The following RAET1E variants were observed in gnomAD, a reference collection of about 807,000 sequenced individuals.
RAET1E encodes the protein retinoic acid early transcript 1E.
RAET1E carries 27 observed loss-of-function variants against 21.1 expected under a neutral mutation model. The ratio of observed to expected loss-of-function variants is 1.28; its 90% confidence interval spans 0.94 to 1.76. RAET1E has a LOEUF of 1.76. RAET1E is among the 40% of genes most tolerant of loss of function. The pLI is 0.00. For missense variants in RAET1E, 310 were observed against 311.3 expected (o/e 1.00, Z 0.03); for synonymous variants, 113 against 115.0 (o/e 0.98, Z 0.11).
In RAET1E at chr6:149,889,866, C is replaced by T. The variant is rs1287876872; in HGVS notation, c.346+19G>A. The T allele has an allele frequency of 1.1e-5, 18 of 1,607,984 alleles. 1 individual carries two copies. In the East Asian group the frequency reaches 3.1e-4, roughly 28 times the overall value. ...CTCTTACTGCCTGCCTCTGTTTGCCCACCCCATTCCACACTTACCACTGGT... is the reference window on the plus strand; with the variant it reads ...CTCTTACTGCCTGCCTCTGTTTGCCTACCCCATTCCACACTTACCACTGGT... On this transcript the variant is annotated intron_variant, in intron 4 of 5. Coordinates refer to ENST00000357183, the MANE Select transcript of RAET1E (RefSeq NM_001394057.1).
chr6:149,889,734 A>G (rs72997552), intron 4 of RAET1E, 111 bp from the exon 5 acceptor site: 1 of 1,503,830 alleles, frequency 6.6e-7, no homozygotes, highest in Non-Finnish European at 9.1e-7. Flanking sequence ...TTCTGCCCAG[A>G]CTTGCCCTTT....
At position 149,886,301 on chromosome 6, in the gene RAET1E, A is replaced by G. The variant is rs1777605257; in HGVS notation, c.*2197T>C. The stretch of plus-strand genomic sequence containing the variant: ...TATCCAAACATTTGAGGATTTTTCC[A>G]GATAGCTTCCTGCTGTTGATTTCTA... On this transcript the variant is annotated 3_prime_UTR_variant, in exon 6 of 6. Transcript: ENST00000357183. Among the ~76,000 whole-genome samples the G allele has an allele frequency of 6.6e-6, 1 of 152,254 alleles. No individual in the cohort carries two copies. The highest frequency in any genetic ancestry group is 1.5e-5 in the Non-Finnish European group (1 of 68,044).
chr6:149,892,428 T>C (rs1283720202), intron 2 of RAET1E, among the ~76,000 whole-genome samples: 2 of 152,248 alleles, frequency 1.3e-5, no homozygotes, highest in Non-Finnish European at 1.5e-5. Context: ...TATCTCATTG[T>C]GGTTTTGATT....
In RAET1E at chr6:149,884,503, G is replaced by A. The variant is rs577013744; in HGVS notation, c.*3995C>T. ...GGTATCACCTCTAGGTGGATCTTCT[G>A]CCTTTAGGAAGGAGACAAAAGAGTG... On this transcript the variant is annotated 3_prime_UTR_variant, in exon 6 of 6. Transcript: ENST00000357183. 3.6e-5 allele frequency: 55 copies of A among 1,535,944 alleles called. No homozygotes were observed. The highest frequency in any genetic ancestry group is 1.4e-4 in the Admixed American group (7 of 50,990).
chr6:149,889,745 C>G, intron 4 of RAET1E, 122 bp from the exon 5 acceptor site: 1 of 1,489,190 alleles, frequency 6.7e-7, no homozygotes, highest in South Asian at 1.3e-5. Flanking sequence ...CTTGCCCTTT[C>G]CTGCCCATTG....
In RAET1E at chr6:149,890,829, C is replaced by T; in HGVS notation, c.73G>A (p.Glu25Lys). The T allele has an allele frequency of 6.2e-7, 1 of 1,612,478 alleles. No individual in the cohort carries two copies. The highest frequency in any genetic ancestry group is 8.5e-7 in the Non-Finnish European group (1 of 1,178,628). The change falls in exon 3 of 6, where the codon GAG (glutamate) becomes AAG (lysine). Residue 25 changes from glutamate to lysine, a missense_variant. Physicochemically the swap from Glu to Lys is moderately conservative, Grantham distance 56. Coordinates refer to ENST00000357183, the MANE Select transcript of RAET1E (RefSeq NM_001394057.1). ...LFLLLLLIAL[E>K]IMVGGHSLCF... ...TCAGGACACTCACCAACCATGATCT[C>T]CAAGGCTATTAGTAGCAACAGCAGA...
Position 149,893,864 on chromosome 6 carries a change from C to T in RAET1E, c.-134+1982G>A, listed in dbSNP as rs557953540. Among the ~76,000 whole-genome samples the T allele has an allele frequency of 5.9e-5, 9 of 152,186 alleles. No individual in the cohort carries two copies. In the East Asian group the frequency reaches 7.7e-4, roughly 13 times the overall value. On this transcript the variant is annotated intron_variant, in intron 2 of 5. Transcript: ENST00000357183. ...TGTCATAAATAGCTCTCATTATTTTCGGATATGTTCCATCAATACCTAGTT... is the reference window on the plus strand; with the variant it reads ...TGTCATAAATAGCTCTCATTATTTTTGGATATGTTCCATCAATACCTAGTT...
At chr6:149,895,712 G>C (rs554694319) in intron 2 of RAET1E, 134 bp downstream of exon 2, 2 of 152,354 alleles carry the variant, frequency 1.3e-5, no homozygotes, top group African/African-American at 4.8e-5. Context: ...ATAAAACTTA[G>C]TATCTGTAGA....
At position 149,890,127 on chromosome 6, in the gene RAET1E, A is replaced by G. The variant is rs1777819196; in HGVS notation, c.104T>C (p.Phe35Ser). 1 of 1,613,982 alleles carries G rather than the reference A, an allele frequency of 6.2e-7. No individual in the cohort carries two copies. The highest frequency in any genetic ancestry group is 1.1e-5 in the South Asian group (1 of 91,074). Residue 35 changes from phenylalanine to serine, a missense_variant, in exon 4 of 6, where the codon TTC (phenylalanine) becomes TCC (serine). Physicochemically the swap from Phe to Ser is radical, Grantham distance 155 (BLOSUM62 -2). Coordinates refer to ENST00000357183, the MANE Select transcript of RAET1E (RefSeq NM_001394057.1). ...GGACAATGATTTTATAGTGAAGTTG[A>G]AGCAAAGAGAGTGACCACCTGTGAG... ...EIMVGGHSLC[F>S]NFTIKSLSRP... is the part of the protein sequence containing the mutation.
In RAET1E at chr6:149,888,668, CTAA is replaced by C; in HGVS notation, c.623-4_623-2del. The C allele has an allele frequency of 3.3e-6, 4 of 1,213,244 alleles. No homozygotes were observed. Among genetic ancestry groups the C allele is most frequent in the Non-Finnish European group, 4.2e-6 (4 of 960,624 alleles). 75.2% of individuals were successfully genotyped at this position (1,213,244 alleles called of 1,614,324 possible). ...ATATCTGAAGCATTTACTGGTGACA[CTAA>C]AAAAAAAAAAAAAAAGAAAAAAAAG... On this transcript the variant is annotated splice_acceptor_variant and splice_polypyrimidine_tract_variant and intron_variant, in intron 5 of 5. Transcript: ENST00000357183. LOFTEE classifies it high-confidence loss of function.
At position 149,889,589 on chromosome 6, in the gene RAET1E, T is replaced by G. The variant is rs1020189829; in HGVS notation, c.381A>C (p.Gln127His). The change falls in exon 5 of 6, where the codon CAA (glutamine) becomes CAC (histidine). Residue 127 changes from glutamine to histidine, a missense_variant. Transcript: ENST00000357183. ...CACCAGTGCACCGTTCTGCTTCACG[T>G]TGACAAAACATCTCGACTTGCAGAG... The part of the protein sequence containing the change: ...PSTLQVEMFC[Q>H]REAERCTGAS... The G allele has an allele frequency of 1.9e-6, 3 of 1,614,092 alleles. No individual in the cohort carries two copies. The highest frequency in any genetic ancestry group is 1.7e-5 in the Admixed American group (1 of 60,000).
rs1554264084 is a variant in RAET1E, at chr6:149,896,644, T to TTGTGTGTGTTTG, written c.-320-613_-320-612insCAAACACACACA. On this transcript the variant is annotated intron_variant, in intron 1 of 5. Transcript: ENST00000357183. ...CCAAGAACAGAGTGTATGTGTGTGTTTGTGTGTGTGTGTGTGTGTGTGCAT... is the reference window on the plus strand; with the variant it reads ...CCAAGAACAGAGTGTATGTGTGTGTTTGTGTGTGTTTGTGTGTGTGTGTGTGTGTGTGTGCAT... Among the ~76,000 whole-genome samples, 4 of 148,784 alleles carry TTGTGTGTGTTTG rather than the reference T, an allele frequency of 2.7e-5. No homozygotes were observed. The East Asian group carries it at 7.9e-4, about 29-fold the overall frequency.
At chr6:149,889,281 C>T in intron 5 of RAET1E, 67 bp downstream of exon 5, 1 of 1,585,578 alleles carries the variant, frequency 6.3e-7, no homozygotes, top group Non-Finnish European at 8.6e-7. Flanking sequence ...CACACACTGA[C>T]ACCCACACAG....
Position 149,888,319 on chromosome 6 carries a change from C to A in RAET1E, c.*179G>T. 1 of 803,632 alleles carries A rather than the reference C, an allele frequency of 1.2e-6. No homozygotes were observed. The highest frequency in any genetic ancestry group is 1.6e-5 in the South Asian group (1 of 63,328). The allele number at this position is 803,632 out of a possible 1,614,324, so 49.8% of individuals were successfully genotyped here. A position where few individuals can be genotyped will look rare whatever the true frequency, so the allele number is the denominator to read the frequency against. ...GCGTTCCAGATCTTTGACCTTGCCC[C>A]TCCTCGAGAGGAGATGATTGCTTCA... On this transcript the variant is annotated 3_prime_UTR_variant, in exon 6 of 6. Coordinates refer to ENST00000357183, the MANE Select transcript of RAET1E (RefSeq NM_001394057.1).
At chr6:149,896,800 A>T (rs904276498) in intron 1 of RAET1E, among the ~76,000 whole-genome samples, 2 of 152,114 alleles carry the variant, frequency 1.3e-5, no homozygotes, top group Non-Finnish European at 1.5e-5. Flanking sequence ...GGGTCCTGAC[A>T]TCTGGGATGC....
chr6:149,892,044 C>A (rs1777924707), intron 2 of RAET1E, among the ~76,000 whole-genome samples: 1 of 152,200 alleles, frequency 6.6e-6, no homozygotes, highest in Non-Finnish European at 1.5e-5. Flanking sequence ...CACGTCCCTG[C>A]AAAGGGCATA....
Position 149,886,198 on chromosome 6 carries a change from C to A in RAET1E, c.*2300G>T, listed in dbSNP as rs1022982397. On this transcript the variant is annotated 3_prime_UTR_variant, in exon 6 of 6. Coordinates refer to ENST00000357183, the MANE Select transcript of RAET1E (RefSeq NM_001394057.1). ...TTTTGATATTTTGTATTATCATTTT[C>A]ATTCATTTCAAAATACTTTCTAGTT... is the stretch of plus-strand genomic sequence containing the variant. Among the ~76,000 whole-genome samples the A allele has an allele frequency of 5.9e-5, 9 of 152,170 alleles. No individual in the cohort carries two copies. The highest frequency in any genetic ancestry group is 2.2e-4 in the African/African-American group (9 of 41,450).
Position 149,884,589 on chromosome 6 carries a change from C to T in RAET1E, c.*3909G>A. ...CTCCGTGATCTCTCAGGACTCAGAT[C>T]CCACCTCTCTCTCAGGGAGAGATCA... On this transcript the variant is annotated 3_prime_UTR_variant, in exon 6 of 6. Transcript: ENST00000357183. 8.5e-7 allele frequency: 1 copy of T among 1,178,142 alleles called. No individual in the cohort carries two copies. The highest frequency in any genetic ancestry group is 1.2e-6 in the Non-Finnish European group (1 of 822,360). 73.0% of individuals were successfully genotyped at this position (1,178,142 alleles called of 1,614,324 possible).
intron 2 of RAET1E, among the ~76,000 whole-genome samples, chr6:149,894,853 C>T (rs745527170): frequency 6.6e-6 from 1 of 152,088 alleles, no homozygotes; most frequent in Non-Finnish European, 1.5e-5. Flanking sequence ...GGAGGAGAGG[C>T]GTTCTTGTTT....
Sources: allele counts gnomAD v4.1 joint callset (sites outside exome capture counted in the v4.1 genomes callset), GRCh38; gene constraint gnomAD v4.1.1; transcripts MANE v1.5; gene names NCBI Gene and HGNC (gene_info 2026-07-23, HGNC 2026-07-21).